Variants in KCNQ1 observed in about 807,000 individuals in gnomAD.
KCNQ1 encodes the protein potassium voltage-gated channel subfamily Q member 1, also known as potassium voltage-gated channel subfamily KQT member 1.
KCNQ1 carries 49 observed loss-of-function variants against 72.4 expected under a neutral mutation model. The ratio of observed to expected loss-of-function variants is 0.68; its 90% confidence interval spans 0.54 to 0.86. The LOEUF (loss-of-function observed/expected upper bound fraction) is 0.86. Among genes scored for constraint, KCNQ1 ranks in the 40% least tolerant of loss-of-function variants. The probability of loss-of-function intolerance (pLI) is 0.00; values close to 1 mark genes in which losing one functional copy is unlikely to be tolerated. For missense variants in KCNQ1, 790 were observed against 945.1 expected, an observed-to-expected ratio of 0.84 and a Z score of 2.15; for synonymous variants, 450 against 412.6, an observed-to-expected ratio of 1.09 and a Z score of -1.10.
intron 10 of KCNQ1, chr11:2,610,154 A>G (rs1848955300): frequency 5.0e-6 from 2 of 397,276 alleles, no homozygotes; most frequent in Admixed American, 4.4e-5. Flanking sequence ...CATTTCTTTT[A>G]TGATTCTTCA....
rs1373466358 is a variant in KCNQ1, at chr11:2,475,623, G to A, written c.386+30139G>A. 1.3e-5 allele frequency among the ~76,000 whole-genome samples: 2 copies of A among 152,208 alleles called. No individual in the cohort carries two copies. Among genetic ancestry groups the A allele is most frequent in the Non-Finnish European group, 2.9e-5 (2 of 68,046 alleles). On this transcript the variant is annotated intron_variant, in intron 1 of 15. Transcript: ENST00000155840. The surrounding 1 kb of genome is among the most constrained non-coding windows in gnomAD (Gnocchi z 5.8). ...TAAATGGCTGGAGACATAGTCAGCT[G>A]TGAAGCTGTAACTTTCATGAAGACA...
At chr11:2,761,518 G>C (rs928013260) in intron 11 of KCNQ1, among the ~76,000 whole-genome samples, 1 of 152,174 alleles carries the variant, frequency 6.6e-6, no homozygotes, top group African/African-American at 2.4e-5. Context: ...CTGGGTCCGT[G>C]CACATAGGCC....
At chr11:2,845,631 GC>G (rs1848311484) in intron 15 of KCNQ1, among the ~76,000 whole-genome samples, 1 of 152,186 alleles carries the variant, frequency 6.6e-6, no homozygotes, top group African/African-American at 2.4e-5. Flanking sequence ...ATGTACACCT[GC>G]CCTTGTGTTC....
chr11:2,727,395 A>T (rs1446042704), intron 11 of KCNQ1, among the ~76,000 whole-genome samples: 1 of 152,226 alleles, frequency 6.6e-6, no homozygotes, highest in South Asian at 2.1e-4. Flanking sequence ...CCCAAGGATC[A>T]TTCCTGTGTG....
chr11:2,846,866 C>T (rs1469923097), intron 15 of KCNQ1, among the ~76,000 whole-genome samples: 6 of 152,248 alleles, frequency 3.9e-5, no homozygotes, highest in East Asian at 1.9e-4. Flanking sequence ...GGGTGCATTT[C>T]GGGTTCTGTC....
rs114434978 is a variant in KCNQ1, at chr11:2,552,405, A to G, written c.478-18223A>G. ...TCAGTTGGCCGTGTGTGTGGGTTCG[A>G]TTTCTGGACTTTGTCATCTGTTCTG... On this transcript the variant is annotated intron_variant, in intron 2 of 15. Coordinates refer to ENST00000155840, the MANE Select transcript of KCNQ1 (RefSeq NM_000218.3). Among the ~76,000 whole-genome samples the G allele has an allele frequency of 6.4e-3, 976 of 152,148 alleles. 12 individuals are homozygous for G. Among genetic ancestry groups the G allele is most frequent in the African/African-American group, 0.023 (934 of 41,496 alleles).
intron 11 of KCNQ1, chr11:2,680,073 T>C (rs1850365390): frequency 2.5e-6 from 1 of 392,940 alleles, no homozygotes; most frequent in African/African-American, 2.1e-5. Context: ...TTTTTTTTTA[T>C]TAGAGACAGG....
At chr11:2,706,992 T>C (rs1850922680) in intron 11 of KCNQ1, among the ~76,000 whole-genome samples, 1 of 152,070 alleles carries the variant, frequency 6.6e-6, no homozygotes, top group African/African-American at 2.4e-5. Flanking sequence ...CGGGTGACCT[T>C]TTCTCCCCAA....
In KCNQ1 at chr11:2,652,373, G is replaced by A. The variant is rs769687265; in HGVS notation, c.1394-9588G>A. The A allele has an allele frequency of 1.3e-4, 53 of 398,458 alleles. No homozygotes were observed. The highest frequency in any genetic ancestry group is 1.9e-4 in the Non-Finnish European group (43 of 226,068). 24.7% of individuals were successfully genotyped at this position (398,458 alleles called of 1,614,324 possible). Reference sequence around the variant, plus strand: ...ATGTTGTGATGAAGGTGAAAAGATCGCTCTTAATTAGATTAAAAACATTTT... The same window carrying A: ...ATGTTGTGATGAAGGTGAAAAGATCACTCTTAATTAGATTAAAAACATTTT... On this transcript the variant is annotated intron_variant, in intron 10 of 15. Coordinates refer to ENST00000155840, the MANE Select transcript of KCNQ1 (RefSeq NM_000218.3). The surrounding 1 kb of genome is among the most constrained non-coding windows in gnomAD (Gnocchi z 5.9).
At chr11:2,615,809 T>G (rs766538623) in intron 10 of KCNQ1, 5 of 398,010 alleles carry the variant, frequency 1.3e-5, no homozygotes, top group Non-Finnish European at 2.2e-5. Flanking sequence ...ATAAAAGATT[T>G]TAGTATCTAG....
At position 2,714,000 on chromosome 11, in the gene KCNQ1, G is replaced by T. The variant is rs1157931421; in HGVS notation, c.1514+51919G>T. Among the ~76,000 whole-genome samples the T allele has an allele frequency of 1.3e-5, 2 of 152,194 alleles. No homozygotes were observed. Among genetic ancestry groups the T allele is most frequent in the Non-Finnish European group, 2.9e-5 (2 of 68,026 alleles). ...GGTGGCTGCCACTCAGGGGTGTGTG[G>T]GGGGCGCCTTGGGGCACCCAGGCCT... On this transcript the variant is annotated intron_variant, in intron 11 of 15. Transcript: ENST00000155840. This position sits in a 1 kb window ranked among gnomAD's most constrained non-coding sequence, Gnocchi z 5.6.
rs540237682 is a variant in KCNQ1, at chr11:2,536,476, T to C, written c.477+8458T>C. On this transcript the variant is annotated intron_variant, in intron 2 of 15. Transcript: ENST00000155840. The surrounding 1 kb of genome is among the most constrained non-coding windows in gnomAD (Gnocchi z 7.4). ...GGCAGGGCTCAGCAGTTGCCTGGCC[T>C]GTGGGGGCAGAGGACCTGGGGAGAC... is the stretch of plus-strand genomic sequence containing the variant. Among the ~76,000 whole-genome samples the C allele has an allele frequency of 6.6e-6, 1 of 151,944 alleles. No individual in the cohort carries two copies. The highest frequency in any genetic ancestry group is 1.5e-5 in the Non-Finnish European group (1 of 67,972).
rs1847159529 is a variant in KCNQ1 at position 2,509,502 on chromosome 11, A to C, written c.387-18426A>C. Among the ~76,000 whole-genome samples, 1 of 152,166 alleles carries C rather than the reference A, an allele frequency of 6.6e-6. No individual in the cohort carries two copies. Among genetic ancestry groups the C allele is most frequent in the Non-Finnish European group, 1.5e-5 (1 of 68,022 alleles). The stretch of plus-strand genomic sequence containing the variant: ...AGGAGTCTCTGTCCTGAGCAGAGAC[A>C]GAGGAAGGCAGGGCAGCCTGCTCAG... On this transcript the variant is annotated intron_variant, in intron 1 of 15. Coordinates refer to ENST00000155840, the MANE Select transcript of KCNQ1 (RefSeq NM_000218.3). This position sits in a 1 kb window ranked among gnomAD's most constrained non-coding sequence, Gnocchi z 6.3.
intron 11 of KCNQ1, among the ~76,000 whole-genome samples, chr11:2,756,128 G>C (rs1419860147): frequency 6.6e-6 from 1 of 152,186 alleles, no homozygotes; most frequent in Non-Finnish European, 1.5e-5. Flanking sequence ...CACCTCCAAG[G>C]TGGTGAATTC....
At chr11:2,733,166 T>C (rs935518917) in intron 11 of KCNQ1, among the ~76,000 whole-genome samples, 1 of 151,798 alleles carries the variant, frequency 6.6e-6, no homozygotes, top group Non-Finnish European at 1.5e-5. Context: ...GCAGCTGGGG[T>C]CTGAAGAGCA....
At chr11:2,476,430 A>G (rs144738000) in intron 1 of KCNQ1, among the ~76,000 whole-genome samples, 1 of 152,362 alleles carries the variant, frequency 6.6e-6, no homozygotes, top group African/African-American at 2.4e-5. Flanking sequence ...GCAAATTTAT[A>G]GCTACAGGCA....
intron 11 of KCNQ1, among the ~76,000 whole-genome samples, chr11:2,744,946 C>T (rs1846114719): frequency 6.6e-6 from 1 of 152,052 alleles, no homozygotes; most frequent in African/African-American, 2.4e-5. Flanking sequence ...TAGTGTGTTC[C>T]CGAGTATACA....
chr11:2,730,905 C>T (rs774644009), intron 11 of KCNQ1, among the ~76,000 whole-genome samples: 5 of 152,198 alleles, frequency 3.3e-5, no homozygotes, highest in Non-Finnish European at 7.4e-5. Context: ...GCCAGATGGA[C>T]CAGAGGCTGC....
chr11:2,791,361 G>T (rs925502359), intron 15 of KCNQ1, among the ~76,000 whole-genome samples: 3 of 152,142 alleles, frequency 2.0e-5, no homozygotes, highest in Admixed American at 1.3e-4. Flanking sequence ...TGTCTGTGCG[G>T]CAAACCCTGC....
Sources: gnomAD v4.1 joint callset for allele counts (sites outside exome capture counted in the v4.1 genomes callset) on GRCh38, gnomAD v4.1.1 for gene constraint, Gnocchi (gnomAD v3.1) non-coding constraint, MANE v1.5 for transcripts, NCBI Gene and HGNC (gene_info 2026-07-23, HGNC 2026-07-21) for gene names.